MEGF11: variants seen among roughly 807,000 people sequenced by gnomAD.
MEGF11 encodes the protein multiple EGF like domains 11, also known as multiple epidermal growth factor-like domains protein 11.
Under a neutral mutation model 146.6 loss-of-function variants are expected in MEGF11, and 126 were observed. That is an observed-to-expected ratio of 0.86 (90% CI 0.74 to 1.00). The LOEUF (loss-of-function observed/expected upper bound fraction) is 1.00, where lower values mean the gene tolerates loss of function less well. Ranked by LOEUF, MEGF11 falls within the 50% of genes least tolerant of loss-of-function variation. The pLI is 0.00. For missense variants in MEGF11, 1,509 were observed against 1,521.2 expected, an observed-to-expected ratio of 0.99 and a Z score of 0.13; for synonymous variants, 532 against 583.4, an observed-to-expected ratio of 0.91 and a Z score of 1.27.
intron 1 of MEGF11, among the ~76,000 whole-genome samples, chr15:66,218,993 A>AAAAAAAAAAC (rs2091662563): frequency 6.6e-6 from 1 of 151,380 alleles, no homozygotes; most frequent in Non-Finnish European, 1.5e-5. Flanking sequence ...AAAAAAAAAA[A>AAAAAAAAAAC]AAACCTTAAC....
intron 5 of MEGF11, among the ~76,000 whole-genome samples, chr15:66,060,420 G>A (rs1316301586): frequency 6.6e-6 from 1 of 152,354 alleles, no homozygotes; most frequent in African/African-American, 2.4e-5. Flanking sequence ...CCCAGCTACT[G>A]CTGCTCTAAG....
chr15:65,946,257 C>T (rs908590243), intron 10 of MEGF11, among the ~76,000 whole-genome samples: 4 of 152,198 alleles, frequency 2.6e-5, no homozygotes, highest in South Asian at 2.1e-4. Context: ...GAAACATCCA[C>T]GTGTGAGGCG....
intron 5 of MEGF11, among the ~76,000 whole-genome samples, chr15:66,001,460 A>G (rs952258895): frequency 6.6e-6 from 1 of 152,136 alleles, no homozygotes; most frequent in Non-Finnish European, 1.5e-5. Flanking sequence ...ACAGCCAAGC[A>G]TCGGGTTCCC....
At chr15:65,954,660 C>G (rs2080517873) in intron 10 of MEGF11, among the ~76,000 whole-genome samples, 1 of 152,204 alleles carries the variant, frequency 6.6e-6, no homozygotes, top group African/African-American at 2.4e-5. Flanking sequence ...TGAGATGACT[C>G]TGGCATGCAC....
chr15:65,989,012 T>C (rs1010256549), intron 5 of MEGF11, among the ~76,000 whole-genome samples: 4 of 152,328 alleles, frequency 2.6e-5, no homozygotes, highest in African/African-American at 9.6e-5. Flanking sequence ...TCAGCATCAC[T>C]GGGGCAGTTT....
chr15:65,955,396 CTG>C (rs2080547345), intron 10 of MEGF11, among the ~76,000 whole-genome samples: 3 of 133,292 alleles, frequency 2.3e-5, no homozygotes, highest in East Asian at 3.0e-4. Context: ...GGGATTGTAA[CTG>C]TTTTTTTTTT....
intron 1 of MEGF11, among the ~76,000 whole-genome samples, chr15:66,214,888 A>G (rs1176064301): frequency 6.6e-6 from 1 of 152,026 alleles, no homozygotes; most frequent in African/African-American, 2.4e-5. Context: ...TGGGGGTAAG[A>G]GGAGAGGAGG....
Position 65,922,391 on chromosome 15 carries a change from A to C in MEGF11, c.1904T>G (p.Ile635Ser), listed in dbSNP as rs765311727. ...TGGGAGGCACTCACAGATGCCGCTG[A>C]TGTGGTGGCAGGGCCTGCTGCTGTG... Reference protein sequence around the residue: ...CVHSSRPCHHISGICECLPGF... With the variant: ...CVHSSRPCHHSSGICECLPGF... The change falls in exon 15 of 26, where the codon ATC (isoleucine) becomes AGC (serine). Residue 635 changes from isoleucine to serine, a missense_variant. Coordinates refer to ENST00000395614, the MANE Select transcript of MEGF11 (RefSeq NM_001385028.1). 1 of 1,600,826 alleles carries C rather than the reference A, an allele frequency of 6.2e-7. No homozygotes were observed. The highest frequency in any genetic ancestry group is 8.5e-7 in the Non-Finnish European group (1 of 1,174,008).
At chr15:65,949,534 A>AT (rs1013112822) in intron 10 of MEGF11, among the ~76,000 whole-genome samples, 2 of 152,246 alleles carry the variant, frequency 1.3e-5, no homozygotes, top group Non-Finnish European at 2.9e-5. Flanking sequence ...AAATGCTGTC[A>AT]TCCTGGGGAG....
At chr15:66,017,146 G>C (rs530580445) in intron 5 of MEGF11, among the ~76,000 whole-genome samples, 1 of 152,196 alleles carries the variant, frequency 6.6e-6, no homozygotes, top group Non-Finnish European at 1.5e-5. Context: ...GGAGGAGGGG[G>C]AAGCCACACA....
intron 7 of MEGF11, 50 bp downstream of exon 7, chr15:65,980,728 T>G (rs377106670): frequency 6.5e-7 from 1 of 1,528,558 alleles, no homozygotes; most frequent in African/African-American, 1.4e-5. Context: ...GTGTGAGTGA[T>G]GAAGGCTCAG....
At chr15:66,159,050 C>T (rs1227981611) in intron 1 of MEGF11, among the ~76,000 whole-genome samples, 1 of 152,318 alleles carries the variant, frequency 6.6e-6, no homozygotes, top group South Asian at 2.1e-4. Flanking sequence ...TTCCTCTAGA[C>T]CTTCCACGTT....
chr15:66,235,482 A>G lies in MEGF11; in HGVS notation c.-9+18123T>C, dbSNP rs938479456. Among the ~76,000 whole-genome samples the G allele has an allele frequency of 2.0e-5, 3 of 148,168 alleles. No homozygotes were observed. In the East Asian group the frequency reaches 6.0e-4, roughly 29 times the overall value. On this transcript the variant is annotated intron_variant, in intron 1 of 25. Transcript: ENST00000395614. Reference sequence around the variant, plus strand: ...GTATCACTACACTCCAGCCTGGGCAACAAAATAAGACTCTGTCTCAAAGAA... The same window carrying G: ...GTATCACTACACTCCAGCCTGGGCAGCAAAATAAGACTCTGTCTCAAAGAA...
Position 66,128,317 on chromosome 15 carries a change from G to A in MEGF11, c.87C>T (p.Ser29=). ...GGCCCACACCTTACCTCTCCCAGTG[G>A]CTGCACACGTTGGGGTCCTCGGGGT... is the stretch of plus-strand genomic sequence containing the variant. ...ALNPEDPNVC[S]HWESYAVTVQ... The change falls in exon 2 of 26, where the codon AGC becomes AGT. Residue 29 remains serine (S), a synonymous_variant. Transcript: ENST00000395614. 1 of 1,514,740 alleles carries A rather than the reference G, an allele frequency of 6.6e-7. No individual in the cohort carries two copies. 93.8% of individuals were successfully genotyped at this position (1,514,740 alleles called of 1,614,324 possible).
rs776055004 is a variant in MEGF11 at position 65,898,915 on chromosome 15, C to T, written c.3075G>A (p.Val1025=). ...KGFKDYMKES[V]CSSSTCSLNS... is the part of the protein sequence containing the mutation. ...TCAAGGAACAAGTACTAGAACTGCACACGGATTCTTTCATGTAATCTGCAA... is the reference window on the plus strand; with the variant it reads ...TCAAGGAACAAGTACTAGAACTGCATACGGATTCTTTCATGTAATCTGCAA... Residue 1025 remains valine (V), a synonymous_variant, in exon 25 of 26, where the codon GTG becomes GTA. Coordinates refer to ENST00000395614, the MANE Select transcript of MEGF11 (RefSeq NM_001385028.1). The T allele has an allele frequency of 9.3e-6, 15 of 1,613,742 alleles. No homozygotes were observed. Among genetic ancestry groups the T allele is most frequent in the African/African-American group, 8.0e-5 (6 of 74,886 alleles).
At chr15:66,125,326 C>G (rs1018723842) in intron 2 of MEGF11, among the ~76,000 whole-genome samples, 2 of 152,202 alleles carry the variant, frequency 1.3e-5, no homozygotes, top group African/African-American at 4.8e-5. Context: ...GAAACTGAGG[C>G]AACTCGAGCC....
intron 5 of MEGF11, among the ~76,000 whole-genome samples, chr15:66,079,027 C>T (rs972981616): frequency 7.9e-5 from 12 of 152,220 alleles, no homozygotes; most frequent in Admixed American, 5.9e-4. Context: ...TGCCAGGGCC[C>T]TGCCTCACCC....
At chr15:65,999,399 T>G (rs2082291111) in intron 5 of MEGF11, among the ~76,000 whole-genome samples, 2 of 151,980 alleles carry the variant, frequency 1.3e-5, no homozygotes, top group African/African-American at 4.8e-5. Flanking sequence ...AAAGCCCCCT[T>G]ATCCTTAATT....
chr15:66,040,868 C>T (rs1263122379), intron 5 of MEGF11, among the ~76,000 whole-genome samples: 1 of 151,908 alleles, frequency 6.6e-6, no homozygotes, highest in Non-Finnish European at 1.5e-5. Context: ...GAAATCTAGT[C>T]CTCAACTGCC....
Sources: gnomAD v4.1 joint callset for allele counts (sites outside exome capture counted in the v4.1 genomes callset) on GRCh38, gnomAD v4.1.1 for gene constraint, MANE v1.5 for transcripts, NCBI Gene and HGNC (gene_info 2026-07-23, HGNC 2026-07-21) for gene names.